The following GULP1 variants were observed in gnomAD, a reference collection of about 807,000 sequenced individuals.
GULP1 encodes the protein GULP PTB domain containing engulfment adaptor 1, also known as PTB domain-containing engulfment adapter protein 1.
Under a neutral mutation model 40.9 loss-of-function variants are expected in GULP1, and 19 were observed. The ratio of observed to expected loss-of-function variants is 0.46; its 90% CI spans 0.32 to 0.68. The LOEUF (loss-of-function observed/expected upper bound fraction) is 0.68, where lower values mean the gene tolerates loss of function less well. Among genes scored for constraint, GULP1 ranks in the 30% least tolerant of loss-of-function variants. GULP1 has a pLI of 0.03. For missense variants in GULP1, 312 were observed against 362.2 expected (o/e 0.86, Z 1.12); for synonymous variants, 119 against 117.6 (o/e 1.01, Z -0.08).
intron 1 of GULP1, among the ~76,000 whole-genome samples, chr2:188,301,633 C>T (rs1266367247): frequency 1.3e-5 from 2 of 152,266 alleles, no homozygotes; most frequent in East Asian, 3.9e-4. Context: ...TGTTTCTATG[C>T]CCCTTGGCAG....
In GULP1 at chr2:188,593,943, G is replaced by A. The variant is rs779302524; in HGVS notation, c.847G>A (p.Gly283Arg). 2.6e-6 allele frequency: 4 copies of A among 1,548,216 alleles called. No individual in the cohort carries two copies. In the East Asian group the frequency reaches 6.8e-5, roughly 26 times the overall value. Residue 283 changes from glycine (G) to arginine (R), a missense_variant, in exon 12 of 12, where the codon GGG becomes AGG. Physicochemically the swap from Gly to Arg is moderately radical, Grantham distance 125 (BLOSUM62 -2). Coordinates refer to ENST00000409830, the MANE Select transcript of GULP1 (RefSeq NM_016315.4). ...ATTATTTTATTCTGTTTTACAGGAGGGGTTCAAAATGGGACTAACTCTTGA... is the reference window on the plus strand; with the variant it reads ...ATTATTTTATTCTGTTTTACAGGAGAGGTTCAAAATGGGACTAACTCTTGA... ...IQSKLDEMQE[G>R]FKMGLTLEGT...
chr2:188,474,766 A>C (rs982209000), intron 2 of GULP1, among the ~76,000 whole-genome samples: 2 of 152,002 alleles, frequency 1.3e-5, no homozygotes, highest in Non-Finnish European at 2.9e-5. Flanking sequence ...TTTGTTGGGG[A>C]GACGATTGGT....
chr2:188,295,771 A>T (rs909775767), intron 1 of GULP1, among the ~76,000 whole-genome samples: 1 of 152,094 alleles, frequency 6.6e-6, no homozygotes, highest in African/African-American at 2.4e-5. Flanking sequence ...TGTATATGGG[A>T]TATAGTAGTT....
intron 1 of GULP1, among the ~76,000 whole-genome samples, chr2:188,343,757 C>T (rs1449555014): frequency 6.6e-6 from 1 of 152,100 alleles, no homozygotes; most frequent in African/African-American, 2.4e-5. Flanking sequence ...GATCTAAGTT[C>T]AAATTTCTTC....
chr2:188,321,731 A>G (rs1179328206), intron 1 of GULP1, among the ~76,000 whole-genome samples: 3 of 152,048 alleles, frequency 2.0e-5, no homozygotes, highest in Non-Finnish European at 4.4e-5. Context: ...AAGATTACTC[A>G]GGTAGCCAAG....
chr2:188,582,192 A>G (rs1701459895), intron 9 of GULP1: 7 of 356,274 alleles, frequency 2.0e-5, no homozygotes, highest in South Asian at 1.5e-4. Flanking sequence ...ATCAACTCTA[A>G]CTCTATGTTT....
At chr2:188,294,290 G>A (rs1437463572) in intron 1 of GULP1, 1 of 152,124 alleles carries the variant, frequency 6.6e-6, no homozygotes, top group African/African-American at 2.4e-5. Flanking sequence ...GCATGGATTT[G>A]GGTCATGGAA....
chr2:188,518,869 A>G (rs1376826327), intron 4 of GULP1, among the ~76,000 whole-genome samples: 2 of 152,190 alleles, frequency 1.3e-5, no homozygotes. Flanking sequence ...TATTATCTCT[A>G]TCTTTCAAAA....
intron 1 of GULP1, among the ~76,000 whole-genome samples, chr2:188,368,549 C>G (rs577351910): frequency 6.6e-6 from 1 of 151,944 alleles, no homozygotes; most frequent in Admixed American, 6.6e-5. Context: ...CCACTGCACT[C>G]CAGCCTGGGT....
chr2:188,485,265 G>T (rs1239802589), intron 4 of GULP1, among the ~76,000 whole-genome samples: 6 of 151,960 alleles, frequency 3.9e-5, no homozygotes, highest in Admixed American at 1.3e-4. Flanking sequence ...ACATGGAAAA[G>T]TTGCCAGTGC....
chr2:188,394,740 A>T (rs1256543790), intron 2 of GULP1, among the ~76,000 whole-genome samples: 1 of 152,128 alleles, frequency 6.6e-6, no homozygotes, highest in Admixed American at 6.5e-5. Context: ...ATGTGACTTT[A>T]ATGTTTATAC....
chr2:188,460,417 G>T (rs1429627868), intron 2 of GULP1, among the ~76,000 whole-genome samples: 2 of 95,374 alleles, frequency 2.1e-5, no homozygotes, highest in Admixed American at 2.8e-4. Flanking sequence ...ATTGTAAATG[G>T]GAATTCTTTT....
At chr2:188,491,975 C>G (rs1200292280) in intron 4 of GULP1, among the ~76,000 whole-genome samples, 3 of 151,672 alleles carry the variant, frequency 2.0e-5, no homozygotes, top group African/African-American at 4.8e-5. Context: ...TTCCTTTTTG[C>G]TAGAACTAAG....
intron 6 of GULP1, among the ~76,000 whole-genome samples, chr2:188,535,174 G>A (rs564145615): frequency 6.7e-5 from 10 of 149,354 alleles, no homozygotes; most frequent in African/African-American, 1.5e-4. Flanking sequence ...ATTTCTACTC[G>A]TTCTGTTTTT....
intron 7 of GULP1, among the ~76,000 whole-genome samples, chr2:188,552,079 C>T (rs937433151): frequency 6.6e-6 from 1 of 151,244 alleles, no homozygotes; most frequent in Non-Finnish European, 1.5e-5. Flanking sequence ...AGTCCTCTGT[C>T]AGATGAATAA....
intron 4 of GULP1, among the ~76,000 whole-genome samples, chr2:188,495,706 A>G (rs959532789): frequency 2.6e-5 from 4 of 152,160 alleles, no homozygotes; most frequent in Admixed American, 2.6e-4. Context: ...CCTTCTTTAT[A>G]GAGCTTTTGG....
At chr2:188,487,068 C>A (rs1167685015) in intron 4 of GULP1, among the ~76,000 whole-genome samples, 1 of 151,894 alleles carries the variant, frequency 6.6e-6, no homozygotes, top group Middle Eastern at 3.2e-3. Flanking sequence ...AATGTTAATG[C>A]AGAAATTTAA....
chr2:188,536,358 T>A (rs1349747748), intron 6 of GULP1, among the ~76,000 whole-genome samples: 1 of 152,122 alleles, frequency 6.6e-6, no homozygotes, highest in East Asian at 1.9e-4. Flanking sequence ...TGAGTTAATT[T>A]CTGTATATGG....
chr2:188,585,638 C>A (rs1012915259), intron 10 of GULP1, among the ~76,000 whole-genome samples: 6 of 152,186 alleles, frequency 3.9e-5, no homozygotes, highest in African/African-American at 1.4e-4. Context: ...TTAGCCATGG[C>A]TAGAGCTGGA....
Sources: gnomAD v4.1 joint callset for allele counts (sites outside exome capture counted in the v4.1 genomes callset) on GRCh38, gnomAD v4.1.1 for gene constraint, MANE v1.5 for transcripts, NCBI Gene and HGNC (gene_info 2026-07-23, HGNC 2026-07-21) for gene names.